The following CFAP69 variants were observed in gnomAD, a reference collection of about 807,000 sequenced individuals.
CFAP69 encodes cilia and flagella associated protein 69, also known as cilia- and flagella-associated protein 69.
Under a neutral mutation model 123.0 loss-of-function variants are expected in CFAP69, and 92 were observed. That is an observed-to-expected ratio of 0.75 (90% CI 0.63 to 0.89). CFAP69 has a LOEUF of 0.89. Ranked by LOEUF, CFAP69 falls within the 40% of genes least tolerant of loss-of-function variation. The pLI, the probability that CFAP69 is intolerant of heterozygous loss-of-function variation, is 0.00. For synonymous variants in CFAP69, 380 were observed against 364.3 expected, an observed-to-expected ratio of 1.04 and a Z score of -0.49; for missense variants, 1,067 against 1,096.9, an observed-to-expected ratio of 0.97 and a Z score of 0.39.
intron 15 of CFAP69, 46 bp downstream of exon 15, chr7:90,288,398 C>T (rs758565204): frequency 1.1e-5 from 18 of 1,583,992 alleles, no homozygotes; most frequent in Non-Finnish European, 8.6e-7. Context: ...AGCAGTCATG[C>T]ATCACTTTAC....
chr7:90,292,773 G>A (rs1791386666), intron 15 of CFAP69, among the ~76,000 whole-genome samples: 1 of 152,146 alleles, frequency 6.6e-6, no homozygotes, highest in African/African-American at 2.4e-5. Context: ...ACTTCTGTTA[G>A]TTTAGTCCAC....
chr7:90,247,838 C>A (rs1165087207), intron 1 of CFAP69, among the ~76,000 whole-genome samples: 5 of 151,744 alleles, frequency 3.3e-5, no homozygotes. Context: ...AGTGAGCCTC[C>A]GTCTCAAAAA....
intron 1 of CFAP69, among the ~76,000 whole-genome samples, chr7:90,249,113 T>C (rs959527253): frequency 6.6e-6 from 1 of 152,194 alleles, no homozygotes; most frequent in Non-Finnish European, 1.5e-5. Flanking sequence ...CATCTCGAAT[T>C]GTAATCCCCA....
chr7:90,251,398 A>T (rs1796987621), intron 1 of CFAP69, among the ~76,000 whole-genome samples: 1 of 152,170 alleles, frequency 6.6e-6, no homozygotes, highest in East Asian at 1.9e-4. Context: ...GTTGGTCTTA[A>T]GTTGGAAGCA....
intron 3 of CFAP69, among the ~76,000 whole-genome samples, chr7:90,258,608 A>G (rs561154420): frequency 5.9e-5 from 9 of 152,136 alleles, no homozygotes; most frequent in Admixed American, 3.9e-4. Flanking sequence ...TCATCTCAAA[A>G]TTCCTAATCA....
intron 8 of CFAP69, 93 bp from the exon 9 acceptor site, chr7:90,273,894 T>G: frequency 3.3e-5 from 31 of 948,444 alleles, no homozygotes; most frequent in Non-Finnish European, 3.7e-5. Context: ...AACCATCACA[T>G]TGGGGGTTAG....
chr7:90,307,751 T>A lies in CFAP69; in HGVS notation c.2464-17T>A, dbSNP rs755418352. The A allele has an allele frequency of 6.5e-7, 1 of 1,530,360 alleles. No individual in the cohort carries two copies. Among genetic ancestry groups the A allele is most frequent in the Non-Finnish European group, 8.9e-7 (1 of 1,129,736 alleles). 94.8% of individuals were successfully genotyped at this position (1,530,360 alleles called of 1,614,324 possible). ...GAAAAAAAAGAAACTGAAACTTAAT[T>A]ATCTTTCTCATTTCAGATACAGGCC... On this transcript the variant is annotated splice_polypyrimidine_tract_variant and intron_variant, in intron 20 of 22. Coordinates refer to ENST00000389297, the MANE Select transcript of CFAP69 (RefSeq NM_001039706.3).
At chr7:90,260,986 G>C (rs771342832) in intron 3 of CFAP69, among the ~76,000 whole-genome samples, 3 of 152,044 alleles carry the variant, frequency 2.0e-5, no homozygotes, top group Non-Finnish European at 4.4e-5. Context: ...AAAAAGGCTA[G>C]GAGTAATAAG....
downstream of CFAP69, among the ~76,000 whole-genome samples, chr7:90,314,810 G>T (rs886811216): frequency 1.3e-5 from 2 of 151,622 alleles, no homozygotes; most frequent in African/African-American, 4.9e-5. Context: ...ATGCTGGTGC[G>T]CTGCACCCAC....
At chr7:90,313,857 G>A (rs185550467), downstream of CFAP69, among the ~76,000 whole-genome samples, 1 of 152,232 alleles carries the variant, frequency 6.6e-6, no homozygotes, top group African/African-American at 2.4e-5. Flanking sequence ...TCTTTCCAGA[G>A]GATGTAATAT....
intron 20 of CFAP69, among the ~76,000 whole-genome samples, chr7:90,307,446 A>C (rs1187354746): frequency 6.6e-6 from 1 of 152,164 alleles, no homozygotes; most frequent in Non-Finnish European, 1.5e-5. Flanking sequence ...CAATGTATAA[A>C]CCCAGATGAA....
At chr7:90,285,514 A>G (rs568127622) in intron 13 of CFAP69, among the ~76,000 whole-genome samples, 44 of 152,260 alleles carry the variant, frequency 2.9e-4, no homozygotes, top group African/African-American at 1.0e-3. Context: ...GTCCTTTTCA[A>G]TTTCAACTGG....
downstream of CFAP69, among the ~76,000 whole-genome samples, chr7:90,314,484 A>C (rs1401539063): frequency 6.6e-6 from 1 of 151,938 alleles, no homozygotes; most frequent in African/African-American, 2.4e-5. Context: ...ATTATTTGGG[A>C]GTGGTGGTGT....
Position 90,300,103 on chromosome 7 carries a change from A to G in CFAP69, c.2050+44A>G, listed in dbSNP as rs758188191. 1.2e-5 allele frequency: 16 copies of G among 1,388,052 alleles called. No individual in the cohort carries two copies. The East Asian group carries it at 3.9e-4, about 34-fold the overall frequency. 86.0% of individuals were successfully genotyped at this position (1,388,052 alleles called of 1,614,324 possible). A position where few individuals can be genotyped will look rare whatever the true frequency, so the allele number is the denominator to read the frequency against. ...GTTAGTAGAAGCAATTAATGTATAT[A>G]TTTTAAAAGATCTTTAAATGGTATT... On this transcript the variant is annotated intron_variant, in intron 17 of 22. Transcript: ENST00000389297.
At chr7:90,295,379 T>C (rs1215212945) in intron 15 of CFAP69, among the ~76,000 whole-genome samples, 6 of 152,168 alleles carry the variant, frequency 3.9e-5, no homozygotes, top group African/African-American at 9.6e-5. Context: ...CTCCCCTAAG[T>C]TGACCTCTAA....
intron 17 of CFAP69, chr7:90,300,547 CA>C (rs1792639567): frequency 1.7e-6 from 1 of 603,052 alleles, no homozygotes; most frequent in Non-Finnish European, 2.1e-6. Flanking sequence ...TCCAAATGTT[CA>C]AAAATTTTAA....
At chr7:90,309,508 A>T in intron 22 of CFAP69, 141 bp downstream of exon 22, 1 of 426,540 alleles carries the variant, frequency 2.3e-6, no homozygotes, top group East Asian at 3.6e-5. Context: ...TCTCAATAAA[A>T]CTGTTCAAAA....
In CFAP69 at chr7:90,247,401, T is replaced by C. The variant is rs141705216; in HGVS notation, c.120+1857T>C. 2.2e-4 allele frequency among the ~76,000 whole-genome samples: 33 copies of C among 152,332 alleles called. No homozygotes were observed. The East Asian group carries it at 6.2e-3, about 29-fold the overall frequency. On this transcript the variant is annotated intron_variant, in intron 1 of 22. Coordinates refer to ENST00000389297, the MANE Select transcript of CFAP69 (RefSeq NM_001039706.3). ...GCCTGTGTGTGCTTCTGAGACAGTA[T>C]ATCCTAGTGGCTAAAGGTGAGAGTA...
intron 6 of CFAP69, chr7:90,268,803 C>T (rs1327056365): frequency 1.8e-5 from 3 of 170,818 alleles, no homozygotes; most frequent in African/African-American, 7.2e-5. Flanking sequence ...TGTGTTATAG[C>T]TAAGGGACCT....
Sources: gnomAD v4.1 joint callset for allele counts (sites outside exome capture counted in the v4.1 genomes callset) on GRCh38, gnomAD v4.1.1 for gene constraint, MANE v1.5 for transcripts, NCBI Gene and HGNC (gene_info 2026-07-23, HGNC 2026-07-21) for gene names.